ARHGEF18: variants seen among roughly 807,000 people sequenced by gnomAD.
ARHGEF18 encodes the protein rho guanine nucleotide exchange factor 18.
A neutral mutation model predicts 155.7 loss-of-function variants in ARHGEF18; 93 were observed. The observed-to-expected ratio is 0.60, with a 90% CI of 0.50 to 0.71. The LOEUF (loss-of-function observed/expected upper bound fraction) is 0.71, where lower values mean the gene tolerates loss of function less well. Among genes scored for constraint, ARHGEF18 ranks in the 30% least tolerant of loss-of-function variants. The probability of loss-of-function intolerance (pLI) is 0.00; values close to 1 mark genes in which losing one functional copy is unlikely to be tolerated. For missense variants in ARHGEF18, 1,593 were observed against 1,816.1 expected (o/e 0.88, Z 2.23); for synonymous variants, 742 against 753.1 (o/e 0.99, Z 0.24).
intron 10 of ARHGEF18, among the ~76,000 whole-genome samples, chr19:7,415,593 A>G (rs757401909): frequency 6.6e-6 from 1 of 151,584 alleles, no homozygotes; most frequent in Non-Finnish European, 1.5e-5. Context: ...GGAATAAGAC[A>G]TTCCCTCCAC....
chr19:7,448,624 GCACTCC>G (rs1280623910), intron 15 of ARHGEF18, among the ~76,000 whole-genome samples: 2 of 151,460 alleles, frequency 1.3e-5, no homozygotes, highest in Non-Finnish European at 2.9e-5. Flanking sequence ...TCGCACCACT[GCACTCC>G]AGCCTGGGCA....
At position 7,440,386 on chromosome 19, in the gene ARHGEF18, G is replaced by A. The variant is rs903675524; in HGVS notation, c.1010G>A (p.Gly337Asp). 18 of 1,610,124 alleles carry A rather than the reference G, an allele frequency of 1.1e-5. No individual in the cohort carries two copies. The highest frequency in any genetic ancestry group is 1.4e-5 in the Non-Finnish European group (17 of 1,179,984). The stretch of plus-strand genomic sequence containing the variant: ...CCCCGGGGCACCCTCCTGTCCGATG[G>A]CAGCCCGGCCCTGTCCAGGAATGTC... ...EHPRGTLLSD[G>D]SPALSRNVGM... The change falls in exon 11 of 29, where the codon GGC (glycine) becomes GAC (aspartate). Residue 337 changes from glycine to aspartate, a missense_variant. Physicochemically the swap from Gly to Asp is moderately conservative, Grantham distance 94 (BLOSUM62 -1). Transcript: ENST00000668164. This position sits in a 1 kb window ranked among gnomAD's most constrained non-coding sequence, Gnocchi z 5.4.
At chr19:7,362,032 AAGGAGAAGGAGAAGGAGAAGGAGAAGG>A (rs1568264500) in intron 1 of ARHGEF18, among the ~76,000 whole-genome samples, 5 of 53,964 alleles carry the variant, frequency 9.3e-5, no homozygotes, top group Non-Finnish European at 1.4e-4. Context: ...GGAGAAGGAG[AAGGAGAAGGAGAAGGAGAAGGAGAAGG>A]AGAAGGAGAA....
intron 10 of ARHGEF18, among the ~76,000 whole-genome samples, chr19:7,398,061 G>A (rs929384941): frequency 6.6e-6 from 1 of 152,038 alleles, no homozygotes; most frequent in African/African-American, 2.4e-5. Flanking sequence ...ACTTCAAAGT[G>A]TGTTTCCTTT....
intron 10 of ARHGEF18, among the ~76,000 whole-genome samples, chr19:7,387,855 G>T (rs1971173203): frequency 6.6e-6 from 1 of 151,852 alleles, no homozygotes; most frequent in Admixed American, 6.6e-5. Context: ...AGTAGAGACG[G>T]GGTTTCACCA....
intron 18 of ARHGEF18, among the ~76,000 whole-genome samples, chr19:7,458,296 T>TAAA (rs1568356963): frequency 7.3e-5 from 8 of 110,064 alleles, no homozygotes; most frequent in Non-Finnish European, 1.3e-4. Flanking sequence ...CCAAGATAGT[T>TAAA]TAAAAAAAAA....
chr19:7,402,826 G>A (rs1475122452), intron 10 of ARHGEF18, among the ~76,000 whole-genome samples: 1 of 152,128 alleles, frequency 6.6e-6, no homozygotes, highest in Non-Finnish European at 1.5e-5. Flanking sequence ...GTACCATCCA[G>A]TGTGACAAAG....
At chr19:7,477,175 C>T, downstream of ARHGEF18, 1 of 1,432,130 alleles carries the variant, frequency 7.0e-7, no homozygotes, top group South Asian at 1.5e-5. Flanking sequence ...TGGGCTCTGG[C>T]TGTGTCCCTG....
At chr19:7,460,175 G>T (rs1976123449) in intron 20 of ARHGEF18, among the ~76,000 whole-genome samples, 181 bp downstream of exon 20, 2 of 152,266 alleles carry the variant, frequency 1.3e-5, no homozygotes, top group South Asian at 2.1e-4. Flanking sequence ...GCGATCTCCA[G>T]AGGTCACTTA....
At position 7,386,604 on chromosome 19, in the gene ARHGEF18, G is replaced by A. The variant is rs570032140; in HGVS notation, c.967+3401G>A. On this transcript the variant is annotated intron_variant, in intron 10 of 28. Coordinates refer to ENST00000668164, the MANE Select transcript of ARHGEF18 (RefSeq NM_001367823.1). ...TAGGTAGGGAAGAGTATTCCAGGTC[G>A]TAGGTGGAAAGGTCCCAGGGCAGGA... is the stretch of plus-strand genomic sequence containing the variant. 1.6e-4 allele frequency among the ~76,000 whole-genome samples: 24 copies of A among 152,192 alleles called. No individual in the cohort carries two copies. In the South Asian group the frequency reaches 2.5e-3, roughly 16 times the overall value.
At chr19:7,468,640 TCACCACAAGTC>T (rs1441584725) in intron 26 of ARHGEF18, among the ~76,000 whole-genome samples, 174 bp from the exon 27 acceptor site, 3 of 152,208 alleles carry the variant, frequency 2.0e-5, no homozygotes, top group Non-Finnish European at 2.9e-5. Flanking sequence ...CCACTGAGTG[TCACCACAAGTC>T]TGCACATTTA....
Position 7,375,761 on chromosome 19 carries a change from T to G in ARHGEF18, c.317T>G (p.Leu106Arg). ...TCAGCTGTGGATGAGGAACCCTGTC[T>G]CCCCCGAACACTGGCCAGCCTTGCT... ...DASAVDEEPC[L>R]PRTLASLALN... is the part of the protein sequence containing the mutation. The change falls in exon 4 of 29, where the codon CTC becomes CGC. Residue 106 changes from leucine to arginine, a missense_variant. Transcript: ENST00000668164. 8.1e-7 allele frequency: 1 copy of G among 1,234,332 alleles called. No individual in the cohort carries two copies. The highest frequency in any genetic ancestry group is 1.0e-6 in the Non-Finnish European group (1 of 988,216). The allele number at this position is 1,234,332 out of a possible 1,614,324, so 76.5% of individuals were successfully genotyped here. A position where few individuals can be genotyped will look rare whatever the true frequency, so the allele number is the denominator to read the frequency against.
At chr19:7,472,577 T>C (rs965559946), downstream of ARHGEF18, 1 of 178,524 alleles carries the variant, frequency 5.6e-6, no homozygotes, top group Non-Finnish European at 1.2e-5. Flanking sequence ...GGGCTCCCCA[T>C]GGCTCCTGCC....
chr19:7,414,816 A>G (rs76043284), intron 10 of ARHGEF18, among the ~76,000 whole-genome samples: 1 of 142,100 alleles, frequency 7.0e-6, no homozygotes, highest in Non-Finnish European at 1.6e-5. Flanking sequence ...AAAAAAAAAG[A>G]AAAAAACAAA....
intron 10 of ARHGEF18, among the ~76,000 whole-genome samples, chr19:7,389,962 G>A (rs1219550315): frequency 6.6e-6 from 1 of 152,176 alleles, no homozygotes; most frequent in Non-Finnish European, 1.5e-5. Context: ...AGCGCTTTGG[G>A]AGGCTGAGGC....
At chr19:7,381,140 G>T (rs918501560) in intron 8 of ARHGEF18, 146 bp downstream of exon 8, 48 of 515,928 alleles carry the variant, frequency 9.3e-5, no homozygotes, top group Middle Eastern at 5.4e-4. Context: ...GGAAAGGGAG[G>T]GATGAGGCTC....
chr19:7,424,794 G>C (rs960026498), intron 10 of ARHGEF18, among the ~76,000 whole-genome samples: 3 of 152,064 alleles, frequency 2.0e-5, no homozygotes, highest in African/African-American at 7.2e-5. Flanking sequence ...AGGAGATCGG[G>C]ACCATCCTGG....
In ARHGEF18 at chr19:7,433,317, A is replaced by C. The variant is rs1974068033; in HGVS notation, c.968-7027A>C. Among the ~76,000 whole-genome samples, 4 of 151,788 alleles carry C rather than the reference A, an allele frequency of 2.6e-5. No homozygotes were observed. The South Asian group carries it at 8.3e-4, about 32-fold the overall frequency. On this transcript the variant is annotated intron_variant, in intron 10 of 28. Coordinates refer to ENST00000668164, the MANE Select transcript of ARHGEF18 (RefSeq NM_001367823.1). Reference sequence around the variant, plus strand: ...CCCCGTCTCTACTAAAAATACAAAAATTAGCTGGGTGTGGTTGGACACACC... The same window carrying C: ...CCCCGTCTCTACTAAAAATACAAAACTTAGCTGGGTGTGGTTGGACACACC...
At position 7,383,051 on chromosome 19, in the gene ARHGEF18, G is replaced by C. The variant is rs987085403; in HGVS notation, c.826-11G>C. On this transcript the variant is annotated splice_polypyrimidine_tract_variant and intron_variant, in intron 9 of 28. Transcript: ENST00000668164. The stretch of plus-strand genomic sequence containing the variant: ...AGAGGGCATCCTGAGACCCACCTCT[G>C]TCCCATCCAGGGGAAGAGCCCAGCA... The C allele has an allele frequency of 3.2e-6, 4 of 1,232,284 alleles. No individual in the cohort carries two copies. The African/African-American group carries it at 6.2e-5, about 19-fold the overall frequency. The allele number at this position is 1,232,284 out of a possible 1,614,324, so 76.3% of individuals were successfully genotyped here. A position where few individuals can be genotyped will look rare whatever the true frequency, so the allele number is the denominator to read the frequency against.
Sources: gnomAD v4.1 joint callset for allele counts (sites outside exome capture counted in the v4.1 genomes callset) on GRCh38, gnomAD v4.1.1 for gene constraint, Gnocchi (gnomAD v3.1) non-coding constraint, MANE v1.5 for transcripts, NCBI Gene and HGNC (gene_info 2026-07-23, HGNC 2026-07-21) for gene names.